WASHC2A: variants seen among roughly 807,000 people sequenced by gnomAD.
WASHC2A encodes WASH complex subunit FAM21A.
Under a neutral mutation model 140.3 loss-of-function variants are expected in WASHC2A, and 82 were observed. That is an observed-to-expected ratio of 0.58 (90% CI 0.49 to 0.70). WASHC2A has a LOEUF of 0.70. WASHC2A is among the 30% of genes least tolerant of loss of function. WASHC2A has a pLI of 0.00. For synonymous variants in WASHC2A, 340 were observed against 560.8 expected, an observed-to-expected ratio of 0.61 and a Z score of 5.56; for missense variants, 985 against 1,521.8, an observed-to-expected ratio of 0.65 and a Z score of 5.87.
chr10:50,068,227 C>A lies in WASHC2A; in HGVS notation c.126C>A (p.Gly42=). ...GCTGGTCGCTGGCGGCCGACGCGGGCGTGAGAGGCGGGCCCCGGGGACGCG... is the reference window on the plus strand; with the variant it reads ...GCTGGTCGCTGGCGGCCGACGCGGGAGTGAGAGGCGGGCCCCGGGGACGCG... The part of the protein sequence containing the change: ...SQSWSLAADA[G]LLQFLQEFSQ... The change falls in exon 2 of 31, where the codon GGC becomes GGA. Residue 42 remains glycine (G), a splice_region_variant and synonymous_variant. Transcript: ENST00000282633. The A allele has an allele frequency of 6.4e-7, 1 of 1,573,092 alleles. No homozygotes were observed.
At chr10:50,082,529 C>T (rs1839002460) in intron 5 of WASHC2A, among the ~76,000 whole-genome samples, 1 of 146,862 alleles carries the variant, frequency 6.8e-6, no homozygotes, top group South Asian at 2.3e-4. Context: ...GTTGCCCAAG[C>T]TGGAGTGGCG....
At chr10:50,093,175 C>G in intron 11 of WASHC2A, 93 bp from the exon 12 acceptor site, 1 of 620,108 alleles carries the variant, frequency 1.6e-6, no homozygotes, top group Non-Finnish European at 2.9e-6. Context: ...AAACTCCATG[C>G]CAGTTTGGAG....
rs1841159863 is a variant in WASHC2A at position 50,101,443 on chromosome 10, T to G, written c.1635+1379T>G. ...CTCCTGTTCCTCTTTCCTATTTCAC[T>G]GTTTACCACAGCACGTGTTGCCAGG... On this transcript the variant is annotated intron_variant, in intron 17 of 30. Transcript: ENST00000282633. Among the ~76,000 whole-genome samples, 8 of 152,424 alleles carry G rather than the reference T, an allele frequency of 5.2e-5. No individual in the cohort carries two copies. The South Asian group carries it at 1.7e-3, about 32-fold the overall frequency.
intron 2 of WASHC2A, 27 bp downstream of exon 2, chr10:50,068,254 G>C (rs1554874929): frequency 1.3e-6 from 2 of 1,545,192 alleles, no homozygotes; most frequent in South Asian, 1.2e-5. Context: ...GGGGACGCGA[G>C]AGCGGCAGGG....
At chr10:50,108,814 A>C (rs1842006030) in intron 19 of WASHC2A, among the ~76,000 whole-genome samples, 1 of 105,944 alleles carries the variant, frequency 9.4e-6, no homozygotes. Flanking sequence ...CCCGGGAGGC[A>C]GAGGTTGCAG....
At chr10:50,100,508 T>C (rs1841015582) in intron 17 of WASHC2A, among the ~76,000 whole-genome samples, 3 of 152,148 alleles carry the variant, frequency 2.0e-5, no homozygotes, top group Admixed American at 2.0e-4. Context: ...TAAAAAATAA[T>C]CTCTTGAGAG....
chr10:50,092,930 T>G (rs1386903966), intron 11 of WASHC2A, among the ~76,000 whole-genome samples: 1 of 147,660 alleles, frequency 6.8e-6, no homozygotes, highest in African/African-American at 2.5e-5. Context: ...CTGCCCTTCC[T>G]TCCCCCAGAT....
chr10:50,100,774 A>C (rs1419912701), intron 17 of WASHC2A, among the ~76,000 whole-genome samples: 4 of 152,212 alleles, frequency 2.6e-5, no homozygotes, highest in African/African-American at 9.6e-5. Flanking sequence ...TCTTGTCGAG[A>C]CTGAGACCAC....
intron 6 of WASHC2A, among the ~76,000 whole-genome samples, chr10:50,084,845 C>T (rs1243749258): frequency 2.8e-5 from 4 of 145,344 alleles, no homozygotes; most frequent in Non-Finnish European, 3.0e-5. Context: ...AAGCAATTCT[C>T]CTACCTCAGC....
chr10:50,103,387 G>A (rs1300952950), intron 17 of WASHC2A, among the ~76,000 whole-genome samples: 2 of 151,754 alleles, frequency 1.3e-5, no homozygotes, highest in Non-Finnish European at 2.9e-5. Context: ...GTGAAACCCC[G>A]TCTCTACTAA....
intron 16 of WASHC2A, among the ~76,000 whole-genome samples, chr10:50,099,212 TG>T (rs1840811017): frequency 1.3e-5 from 2 of 152,134 alleles, no homozygotes; most frequent in Admixed American, 1.3e-4. Flanking sequence ...AGTATTGCTT[TG>T]GGATCATGTA....
chr10:50,097,690 C>T lies in WASHC2A; in HGVS notation c.1436C>T (p.Thr479Ile). 1 of 1,596,266 alleles carries T rather than the reference C, an allele frequency of 6.3e-7. No homozygotes were observed. Among genetic ancestry groups the T allele is most frequent in the Non-Finnish European group, 8.5e-7 (1 of 1,171,178 alleles). Residue 479 changes from threonine to isoleucine, a missense_variant, in exon 16 of 31, where the codon ACT becomes ATT. Thr to Ile is a moderately conservative substitution (Grantham distance 89). Coordinates refer to ENST00000282633, the MANE Select transcript of WASHC2A (RefSeq NM_001005751.3). ...TTTTTTACAGGCAAAGTCCAATCCA[C>T]TGCCGATATCTTTGGTGACGAAGAA... The part of the protein sequence containing the change: ...KPSKTGKVQS[T>I]ADIFGDEEGD...
In WASHC2A at chr10:50,119,752, C is replaced by T; in HGVS notation, c.2461C>T (p.Gln821Ter). 6.2e-7 allele frequency: 1 copy of T among 1,606,268 alleles called. No homozygotes were observed. The highest frequency in any genetic ancestry group is 2.2e-5 in the East Asian group (1 of 44,746). Reference sequence around the variant, plus strand: ...AGATCAAAACATTATCCAGGCTCCACAGAAAGAAGTAGGAAAGGTAAGCAA... The same window carrying T: ...AGATCAAAACATTATCCAGGCTCCATAGAAAGAAGTAGGAAAGGTAAGCAA... ...MEDQNIIQAP[Q>*]KEVGKGRDPD... The change falls in exon 23 of 31, where the codon CAG becomes TAG. Residue 821 changes from glutamine to a stop codon, truncating the protein, a stop_gained. Transcript: ENST00000282633. LOFTEE classifies it high-confidence loss of function.
intron 5 of WASHC2A, among the ~76,000 whole-genome samples, chr10:50,083,554 CTTTT>C (rs1206903936): frequency 1.2e-5 from 1 of 83,696 alleles, no homozygotes; most frequent in Non-Finnish European, 2.2e-5. Context: ...ACTTTGGTAT[CTTTT>C]TTTTTTTTTT....
At position 50,068,128 on chromosome 10, in the gene WASHC2A, G is replaced by T. The variant is rs782178302; in HGVS notation, c.27G>T (p.Gln9His). MMNRTTPDQELAPASEPVW... is the reference protein window; with the variant it reads MMNRTTPDHELAPASEPVW... ...AGATGAACCGGACGACCCCCGACCAGGAGCTGGCGCCAGCGTCGGAGCCCG... is the reference window on the plus strand; with the variant it reads ...AGATGAACCGGACGACCCCCGACCATGAGCTGGCGCCAGCGTCGGAGCCCG... The change falls in exon 2 of 31, where the codon CAG becomes CAT. Residue 9 changes from glutamine (Q) to histidine (H), a missense_variant. Transcript: ENST00000282633. The T allele has an allele frequency of 6.2e-7, 1 of 1,604,268 alleles. No homozygotes were observed. Among genetic ancestry groups the T allele is most frequent in the South Asian group, 1.1e-5 (1 of 90,790 alleles).
At chr10:50,107,866 G>A (rs1218069027) in intron 19 of WASHC2A, among the ~76,000 whole-genome samples, 11 of 115,346 alleles carry the variant, frequency 9.5e-5, no homozygotes, top group Non-Finnish European at 1.4e-4. Context: ...GGAGGTTGTC[G>A]TGAACCGAGA....
chr10:50,113,545 G>A (rs1401826138), intron 20 of WASHC2A, among the ~76,000 whole-genome samples: 66 of 152,036 alleles, frequency 4.3e-4, no homozygotes, highest in Non-Finnish European at 7.1e-4. Flanking sequence ...AGGCCTGTCC[G>A]CTTTGATTCT....
At chr10:50,073,115 TA>T (rs1838011956) in intron 3 of WASHC2A, among the ~76,000 whole-genome samples, 1 of 152,194 alleles carries the variant, frequency 6.6e-6, no homozygotes. Flanking sequence ...TTCTAGTGTC[TA>T]ATTAGAAGGC....
chr10:50,107,624 T>C (rs1841912709), intron 19 of WASHC2A, among the ~76,000 whole-genome samples: 1 of 151,272 alleles, frequency 6.6e-6, no homozygotes, highest in African/African-American at 2.4e-5. Context: ...AAAAAAAATG[T>C]ATTAAAAGCT....
Sources: gnomAD v4.1 joint callset for allele counts (sites outside exome capture counted in the v4.1 genomes callset) on GRCh38, gnomAD v4.1.1 for gene constraint, MANE v1.5 for transcripts, NCBI Gene and HGNC (gene_info 2026-07-23, HGNC 2026-07-21) for gene names.